The following MEF2B variants were observed in gnomAD, a reference collection of about 807,000 sequenced individuals.
The protein encoded by MEF2B is myocyte-specific enhancer factor 2B.
MEF2B carries 15 observed loss-of-function variants against 32.2 expected under a neutral mutation model. The observed-to-expected ratio is 0.47, with a 90% confidence interval of 0.31 to 0.72. The LOEUF (loss-of-function observed/expected upper bound fraction) is 0.72, where lower values mean the gene tolerates loss of function less well. Ranked by LOEUF, MEF2B falls within the 30% of genes least tolerant of loss-of-function variation. MEF2B has a pLI of 0.05. For missense variants in MEF2B, 441 were observed against 511.5 expected, an observed-to-expected ratio of 0.86 and a Z score of 1.33; for synonymous variants, 205 against 225.6, an observed-to-expected ratio of 0.91 and a Z score of 0.82.
At chr19:19,150,164 G>A (rs1219192390) in intron 2 of MEF2B, among the ~76,000 whole-genome samples, 3 of 122,114 alleles carry the variant, frequency 2.5e-5, no homozygotes, top group Non-Finnish European at 5.1e-5. Flanking sequence ...AGGAGGGAGG[G>A]AGGGAAGGAG....
chr19:19,146,939 G>A, intron 5 of MEF2B, 64 bp from the exon 6 acceptor site: 3 of 1,578,590 alleles, frequency 1.9e-6, no homozygotes, highest in Non-Finnish European at 2.6e-6. Flanking sequence ...GAAGTCTGAG[G>A]TTTAGAGGTG....
chr19:19,153,603 T>C (rs2060099664), intron 1 of MEF2B, among the ~76,000 whole-genome samples: 1 of 152,044 alleles, frequency 6.6e-6, no homozygotes, highest in African/African-American at 2.4e-5. Flanking sequence ...ATTACGGGCA[T>C]GCACCACCAC....
chr19:19,156,541 TG>T (rs1382998369), intron 1 of MEF2B, among the ~76,000 whole-genome samples: 2 of 152,010 alleles, frequency 1.3e-5, no homozygotes, highest in Non-Finnish European at 2.9e-5. Context: ...CTAAAAAACA[TG>T]TTTAAAGGCC....
intron 1 of MEF2B, among the ~76,000 whole-genome samples, chr19:19,154,415 G>T (rs544907261): frequency 3.2e-4 from 48 of 151,484 alleles, no homozygotes; most frequent in Non-Finnish European, 4.1e-4. Context: ...GCCCGCCTTG[G>T]CCTCCCAAAG....
intron 1 of MEF2B, among the ~76,000 whole-genome samples, chr19:19,165,462 G>A (rs1185199893): frequency 6.6e-6 from 1 of 152,148 alleles, no homozygotes; most frequent in Non-Finnish European, 1.5e-5. Context: ...TCAGGGAGGT[G>A]GGAGCCAGGT....
At chr19:19,155,685 C>T (rs186419433) in intron 1 of MEF2B, among the ~76,000 whole-genome samples, 47 of 152,328 alleles carry the variant, frequency 3.1e-4, no homozygotes, top group Non-Finnish European at 3.5e-4. Context: ...GCGGAGGCGG[C>T]AGGCCAGAGT....
intron 1 of MEF2B, among the ~76,000 whole-genome samples, chr19:19,164,326 C>T (rs1458929233): frequency 6.6e-6 from 1 of 152,216 alleles, no homozygotes; most frequent in East Asian, 1.9e-4. Flanking sequence ...CCATCCAGCC[C>T]ACAGGCTGCC....
chr19:19,149,939 G>C (rs2060058739), intron 2 of MEF2B, among the ~76,000 whole-genome samples: 1 of 151,574 alleles, frequency 6.6e-6, no homozygotes, highest in South Asian at 2.1e-4. Flanking sequence ...AATTAGCCTA[G>C]CCAGGCGTGG....
chr19:19,168,268 C>CTTTTTTTTTTTTTT, intron 1 of MEF2B, among the ~76,000 whole-genome samples: 1 of 99,026 alleles, frequency 1.0e-5, no homozygotes, highest in Admixed American at 1.1e-4. Flanking sequence ...TTTCTTTCTT[C>CTTTTTTTTTTTTTT]TTTTTTTTTT....
chr19:19,149,002 G>A (rs114939336), intron 3 of MEF2B, among the ~76,000 whole-genome samples: 3,801 of 151,802 alleles, frequency 0.025, 145 homozygotes, highest in African/African-American at 0.087. Context: ...GGGAGCCACC[G>A]TGCCCTGCCC....
At chr19:19,158,357 G>A (rs1266759774) in intron 1 of MEF2B, among the ~76,000 whole-genome samples, 3 of 149,124 alleles carry the variant, frequency 2.0e-5, no homozygotes, top group South Asian at 4.3e-4. Flanking sequence ...AAAGTGCTGG[G>A]ATTACAGGCG....
rs778357332 is a variant in MEF2B, at chr19:19,145,764, G to T, written c.*33C>A. ...CCCACGTGCCCTCGCCGTACCTGGC[G>T]AGCGCTCTGGGCTGGTGCCACCGGG... is the stretch of plus-strand genomic sequence containing the variant. On this transcript the variant is annotated 3_prime_UTR_variant, in exon 9 of 9. Transcript: ENST00000424583. The surrounding 1 kb of genome is among the most constrained non-coding windows in gnomAD (Gnocchi z 4.6). 1.9e-6 allele frequency: 3 copies of T among 1,555,232 alleles called. No individual in the cohort carries two copies. The highest frequency in any genetic ancestry group is 2.6e-6 in the Non-Finnish European group (3 of 1,149,708).
rs753460148 is a variant in MEF2B at position 19,157,056 on chromosome 19, G to A, written c.-29-6292C>T. The A allele has an allele frequency of 1.3e-4, 30 of 235,384 alleles. No individual in the cohort carries two copies. In the Admixed American group the frequency reaches 1.6e-3, roughly 12 times the overall value. 14.6% of individuals were successfully genotyped at this position (235,384 alleles called of 1,614,324 possible). A position where few individuals can be genotyped will look rare whatever the true frequency, so the allele number is the denominator to read the frequency against. The stretch of plus-strand genomic sequence containing the variant: ...TCCTGGCTATGTGGGAGCCTGAGAC[G>A]GGAGGATTCTGTGAGCCCAGGAGTT... On this transcript the variant is annotated intron_variant, in intron 1 of 8. Coordinates refer to ENST00000424583, the MANE Select transcript of MEF2B (RefSeq NM_001145785.2).
intron 2 of MEF2B, among the ~76,000 whole-genome samples, chr19:19,150,365 T>C (rs556333962): frequency 6.6e-6 from 1 of 151,650 alleles, no homozygotes; most frequent in South Asian, 2.1e-4. Flanking sequence ...CCGTCTCTAC[T>C]AAAACTGCAA....
chr19:19,153,412 T>C (rs1279606631), intron 1 of MEF2B, among the ~76,000 whole-genome samples: 2 of 152,074 alleles, frequency 1.3e-5, no homozygotes, highest in African/African-American at 4.8e-5. Flanking sequence ...GTTGGGCCAT[T>C]CTAGGACTCC....
intron 1 of MEF2B, among the ~76,000 whole-genome samples, chr19:19,160,648 C>A (rs1476427305): frequency 6.7e-6 from 1 of 149,702 alleles, no homozygotes; most frequent in East Asian, 2.0e-4. Flanking sequence ...GGGTGAGGGC[C>A]CGCGGGAGGC....
At chr19:19,168,268 CTTTTTTTTTTTTT>C (rs1050853160) in intron 1 of MEF2B, among the ~76,000 whole-genome samples, 1 of 99,026 alleles carries the variant, frequency 1.0e-5, no homozygotes, top group Admixed American at 1.1e-4. Context: ...TTTCTTTCTT[CTTTTTTTTTTTTT>C]TTTTTTTTTG....
At chr19:19,160,964 T>C (rs1361498945) in intron 1 of MEF2B, among the ~76,000 whole-genome samples, 1 of 151,948 alleles carries the variant, frequency 6.6e-6, no homozygotes, top group Non-Finnish European at 1.5e-5. Context: ...CCTGGCTCAG[T>C]TCACAGCGGT....
chr19:19,163,851 TAG>T (rs1397061344), intron 1 of MEF2B, among the ~76,000 whole-genome samples: 1 of 152,072 alleles, frequency 6.6e-6, no homozygotes. Context: ...TTATTTTTTG[TAG>T]AGACAGGGTC....
Sources: gnomAD v4.1 joint callset for allele counts (sites outside exome capture counted in the v4.1 genomes callset) on GRCh38, gnomAD v4.1.1 for gene constraint, Gnocchi (gnomAD v3.1) non-coding constraint, MANE v1.5 for transcripts, NCBI Gene and HGNC (gene_info 2026-07-23, HGNC 2026-07-21) for gene names.